Variants in TOR3A observed in about 807,000 individuals in gnomAD.
TOR3A encodes the protein torsin family 3 member A, also known as torsin-3A.
A neutral mutation model predicts 42.1 loss-of-function variants in TOR3A; 44 were observed. The ratio of observed to expected loss-of-function variants is 1.04; its 90% CI spans 0.82 to 1.34. The LOEUF (loss-of-function observed/expected upper bound fraction) is 1.34, where lower values mean the gene tolerates loss of function less well. Among genes scored for constraint, TOR3A ranks in the 40% most tolerant of loss-of-function variants. The pLI, the probability that TOR3A is intolerant of heterozygous loss-of-function variation, is 0.00. For missense variants in TOR3A, 521 were observed against 507.6 expected (o/e 1.03, Z -0.25); for synonymous variants, 227 against 213.2 (o/e 1.06, Z -0.57).
In TOR3A at chr1:179,095,317, G is replaced by A; in HGVS notation, c.*99G>A. The A allele has an allele frequency of 6.4e-7, 1 of 1,553,190 alleles. No individual in the cohort carries two copies. Among genetic ancestry groups the A allele is most frequent in the Non-Finnish European group, 8.7e-7 (1 of 1,153,680 alleles). On this transcript the variant is annotated 3_prime_UTR_variant, in exon 6 of 6. Coordinates refer to ENST00000367627, the MANE Select transcript of TOR3A (RefSeq NM_022371.4). Reference sequence around the variant, plus strand: ...TTGGGACTGTGAGGTGTTTGAGGGTGTGGACTGGCATCCAGCAGCCACTAA... The same window carrying A: ...TTGGGACTGTGAGGTGTTTGAGGGTATGGACTGGCATCCAGCAGCCACTAA...
Position 179,094,187 on chromosome 1 carries a change from CA to C in TOR3A, c.914del (p.His305ProfsTer10). ...AATTACGATGGAACACCTGGAGCCC[CA>C]CCTCCAGGCGGAGATTGTGGAGACC... ...EEITMEHLEP[H>X]LQAEIVETID... On this transcript the variant is annotated frameshift_variant, in exon 5 of 6. Coordinates refer to ENST00000367627, the MANE Select transcript of TOR3A (RefSeq NM_022371.4). LOFTEE classifies it high-confidence loss of function. The C allele has an allele frequency of 6.2e-7, 1 of 1,614,038 alleles. No homozygotes were observed. Among genetic ancestry groups the C allele is most frequent in the South Asian group, 1.1e-5 (1 of 91,062 alleles).
intron 4 of TOR3A, among the ~76,000 whole-genome samples, chr1:179,090,794 G>A (rs1197547521): frequency 6.6e-6 from 1 of 152,198 alleles, no homozygotes; most frequent in Non-Finnish European, 1.5e-5. Flanking sequence ...TGGCAGGACA[G>A]GAACGTGGAA....
Position 179,082,108 on chromosome 1 carries a change from T to A in TOR3A, c.-21T>A, listed in dbSNP as rs917673145. On this transcript the variant is annotated 5_prime_UTR_variant, in exon 1 of 6. Transcript: ENST00000367627. The stretch of plus-strand genomic sequence containing the variant: ...CCTGGCTAGGCCGGCAGCCGGATGG[T>A]CCCGCAGCTCGGGGCCGGCCATGCT... 12 of 1,456,736 alleles carry A rather than the reference T, an allele frequency of 8.2e-6. No individual in the cohort carries two copies. The African/African-American group carries it at 1.5e-4, about 18-fold the overall frequency. 90.2% of individuals were successfully genotyped at this position (1,456,736 alleles called of 1,614,324 possible).
At position 179,088,002 on chromosome 1, in the gene TOR3A, T is replaced by C; in HGVS notation, c.731T>C (p.Leu244Pro). 6.2e-7 allele frequency: 1 copy of C among 1,613,734 alleles called. No homozygotes were observed. Among genetic ancestry groups the C allele is most frequent in the Non-Finnish European group, 8.5e-7 (1 of 1,179,814 alleles). Reference protein sequence around the residue: ...FDEAEKLHPGLLEVLGPHLER... With the variant: ...FDEAEKLHPGPLEVLGPHLER... ...GAAGCGGAGAAGCTGCACCCAGGGC[T>C]GCTGGAGGTCCTTGGGCCACACTTA... Residue 244 changes from leucine to proline, a missense_variant, in exon 4 of 6, where the codon CTG becomes CCG. Transcript: ENST00000367627.
intron 4 of TOR3A, among the ~76,000 whole-genome samples, chr1:179,091,994 C>T (rs1169773399): frequency 6.6e-6 from 1 of 152,252 alleles, no homozygotes; most frequent in East Asian, 1.9e-4. Flanking sequence ...CTTGAGCAAG[C>T]ACTGCAGATG....
At chr1:179,091,346 CAG>C (rs1652575828) in intron 4 of TOR3A, among the ~76,000 whole-genome samples, 1 of 152,178 alleles carries the variant, frequency 6.6e-6, no homozygotes, top group African/African-American at 2.4e-5. Context: ...TCCAGAAAGA[CAG>C]TGTCTGTCTA....
chr1:179,094,532 A>C (rs1229169596), intron 5 of TOR3A, among the ~76,000 whole-genome samples: 1 of 152,140 alleles, frequency 6.6e-6, no homozygotes, highest in African/African-American at 2.4e-5. Flanking sequence ...TTCTTGACAT[A>C]CGCTGCAGAC....
At chr1:179,093,961 T>G in intron 4 of TOR3A, 132 bp from the exon 5 acceptor site, 1 of 1,200,554 alleles carries the variant, frequency 8.3e-7, no homozygotes. Flanking sequence ...CAAGGTCTCC[T>G]GGAAGAGAGA....
intron 3 of TOR3A, among the ~76,000 whole-genome samples, chr1:179,087,343 G>A (rs1053505964): frequency 8.5e-5 from 13 of 152,142 alleles, no homozygotes; most frequent in African/African-American, 3.1e-4. Context: ...GCCCAGCCAG[G>A]GTGCCAGTGG....
In TOR3A at chr1:179,082,947, C is replaced by T. The variant is rs1284221714; in HGVS notation, c.267C>T (p.Arg89=). Residue 89 remains arginine, a synonymous_variant, in exon 2 of 6, where the codon CGC becomes CGT. Coordinates refer to ENST00000367627, the MANE Select transcript of TOR3A (RefSeq NM_022371.4). ...EEAATGPLGW[R]LPLLGQRYLD... ...CAGCTCCTCCTTTTCCAGGCTGGCG[C>T]CTTCCTCTGTTGGGCCAGCGGTACC... 3.8e-6 allele frequency: 6 copies of T among 1,568,516 alleles called. No homozygotes were observed. The highest frequency in any genetic ancestry group is 4.3e-6 in the Non-Finnish European group (5 of 1,157,572).
At chr1:179,086,922 G>A (rs1379002264) in intron 3 of TOR3A, among the ~76,000 whole-genome samples, 2 of 152,192 alleles carry the variant, frequency 1.3e-5, no homozygotes, top group African/African-American at 2.4e-5. Flanking sequence ...TTATGTCAGC[G>A]TCTGAGGACA....
chr1:179,094,305 CAG>C, intron 5 of TOR3A, 88 bp downstream of exon 5: 1 of 1,501,850 alleles, frequency 6.7e-7, no homozygotes, highest in South Asian at 1.3e-5. Flanking sequence ...ATGAAGCAGA[CAG>C]GGTACTTGGG....
At chr1:179,086,388 C>A (rs953233766) in intron 3 of TOR3A, among the ~76,000 whole-genome samples, 6 of 152,152 alleles carry the variant, frequency 3.9e-5, no homozygotes. Flanking sequence ...GCCTATTGGC[C>A]GGACATGGTG....
Position 179,083,031 on chromosome 1 carries a change from C to A in TOR3A, c.351C>A (p.Cys117Ter). 1 of 1,561,936 alleles carries A rather than the reference C, an allele frequency of 6.4e-7. No homozygotes were observed. The highest frequency in any genetic ancestry group is 1.2e-5 in the South Asian group (1 of 82,648). ...SFKDCCPRGD[C>*]RISNNFTGLE... ...AAGACTGCTGCCCTAGAGGGGATTGCAGAATCTCCAACAACTTTACAGGTT... is the reference window on the plus strand; with the variant it reads ...AAGACTGCTGCCCTAGAGGGGATTGAAGAATCTCCAACAACTTTACAGGTT... Residue 117 changes from cysteine to a stop codon, truncating the protein, a stop_gained, in exon 2 of 6, where the codon TGC (cysteine) becomes TGA (stop). Coordinates refer to ENST00000367627, the MANE Select transcript of TOR3A (RefSeq NM_022371.4). LOFTEE classifies it high-confidence loss of function.
intron 4 of TOR3A, among the ~76,000 whole-genome samples, chr1:179,088,989 T>C (rs1250019692): frequency 6.6e-6 from 1 of 152,124 alleles, no homozygotes; most frequent in Non-Finnish European, 1.5e-5. Flanking sequence ...TTTCCCAAGC[T>C]GCAGGGCTCA....
Position 179,095,258 on chromosome 1 carries a change from T to G in TOR3A, c.*40T>G, listed in dbSNP as rs1557890218. 3 of 1,610,528 alleles carry G rather than the reference T, an allele frequency of 1.9e-6. No individual in the cohort carries two copies. The East Asian group carries it at 6.7e-5, about 36-fold the overall frequency. Reference sequence around the variant, plus strand: ...CTTCCTGGAACTGCCTTTCTTCCACTAACAGGACCCTGGGACCTGTAGGAG... The same window carrying G: ...CTTCCTGGAACTGCCTTTCTTCCACGAACAGGACCCTGGGACCTGTAGGAG... On this transcript the variant is annotated 3_prime_UTR_variant, in exon 6 of 6. Transcript: ENST00000367627.
chr1:179,086,711 A>AT (rs1652448409), intron 3 of TOR3A, among the ~76,000 whole-genome samples: 1 of 150,482 alleles, frequency 6.6e-6, no homozygotes, highest in Non-Finnish European at 1.5e-5. Context: ...ATCTTACCTG[A>AT]TTTTTTCATG....
Position 179,094,950 on chromosome 1 carries a change from C to T in TOR3A, c.944-18C>T, listed in dbSNP as rs1233937622. 31 of 1,613,760 alleles carry T rather than the reference C, an allele frequency of 1.9e-5. No individual in the cohort carries two copies. Among genetic ancestry groups the T allele is most frequent in the Admixed American group, 3.3e-5 (2 of 60,002 alleles). On this transcript the variant is annotated intron_variant, in intron 5 of 5. Transcript: ENST00000367627. Reference sequence around the variant, plus strand: ...CAGTCCTAGGTCAGACTCCATGTAACTTTGGTCTTGCTTTCAGACAATGGC... The same window carrying T: ...CAGTCCTAGGTCAGACTCCATGTAATTTTGGTCTTGCTTTCAGACAATGGC...
intron 1 of TOR3A, 122 bp downstream of exon 1, chr1:179,082,509 C>T: frequency 1.4e-6 from 2 of 1,381,980 alleles, no homozygotes; most frequent in Non-Finnish European, 1.9e-6. Flanking sequence ...TCTGCTCAGC[C>T]GCCGGTACCG....
Sources: allele counts gnomAD v4.1 joint callset (sites outside exome capture counted in the v4.1 genomes callset), GRCh38; gene constraint gnomAD v4.1.1; transcripts MANE v1.5; gene names NCBI Gene and HGNC (gene_info 2026-07-23, HGNC 2026-07-21).